The following RAB27B variants were observed in gnomAD, a reference collection of about 807,000 sequenced individuals.
RAB27B encodes ras-related protein Rab-27B.
RAB27B carries 15 observed loss-of-function variants against 24.6 expected under a neutral mutation model. The observed-to-expected ratio is 0.61, with a 90% CI of 0.41 to 0.94. The LOEUF (loss-of-function observed/expected upper bound fraction) is 0.94, where lower values mean the gene tolerates loss of function less well. Among genes scored for constraint, RAB27B ranks in the 40% least tolerant of loss-of-function variants. The pLI, the probability that RAB27B is intolerant of heterozygous loss-of-function variation, is 0.00. For synonymous variants in RAB27B, 105 were observed against 92.5 expected (o/e 1.14, Z -0.78); for missense variants, 261 against 266.8 (o/e 0.98, Z 0.15).
At chr18:54,870,649 C>T (rs1230909141) in intron 1 of RAB27B, among the ~76,000 whole-genome samples, 3 of 152,098 alleles carry the variant, frequency 2.0e-5, no homozygotes, top group Non-Finnish European at 4.4e-5. Flanking sequence ...TGAAAACATA[C>T]TTTGATTTGT....
chr18:54,840,924 G>C (rs917172172), intron 1 of RAB27B, among the ~76,000 whole-genome samples: 3 of 151,996 alleles, frequency 2.0e-5, no homozygotes, highest in Non-Finnish European at 2.9e-5. Context: ...TGAGGCAGGC[G>C]GATCATGAGG....
chr18:54,792,554 ATATT>A (rs1291755381), intron 2 of RAB27B, among the ~76,000 whole-genome samples: 1 of 152,210 alleles, frequency 6.6e-6, no homozygotes, highest in Non-Finnish European at 1.5e-5. Flanking sequence ...AAGAAGAAAT[ATATT>A]TATGCATGCA....
chr18:54,840,316 A>AT (rs1911058976), intron 1 of RAB27B, among the ~76,000 whole-genome samples: 1 of 152,162 alleles, frequency 6.6e-6, no homozygotes. Context: ...GAAATCAATG[A>AT]TTTGTTGGCC....
intron 1 of RAB27B, among the ~76,000 whole-genome samples, chr18:54,867,948 C>A (rs372783340): frequency 6.6e-6 from 1 of 152,156 alleles, no homozygotes; most frequent in African/African-American, 2.4e-5. Flanking sequence ...ACTGCACACA[C>A]ACCTAGTGAT....
chr18:54,893,608 A>G lies in RAB27B; in HGVS notation c.*4195A>G, dbSNP rs150556314. On this transcript the variant is annotated 3_prime_UTR_variant, in exon 6 of 6. Coordinates refer to ENST00000262094, the MANE Select transcript of RAB27B (RefSeq NM_004163.4). ...TGAGCTCTTATACATGAAAATGGAT[A>G]TAGGCTATTCTCTGGGATGAGTGTC... is the stretch of plus-strand genomic sequence containing the variant. 2.9e-4 allele frequency: 44 copies of G among 152,160 alleles called. No homozygotes were observed. Among genetic ancestry groups the G allele is most frequent in the African/African-American group, 1.1e-3 (44 of 41,560 alleles). The allele number at this position is 152,160 out of a possible 1,614,324, so 9.4% of individuals were successfully genotyped here.
intron 1 of RAB27B, among the ~76,000 whole-genome samples, chr18:54,876,105 T>C (rs778922627): frequency 2.6e-5 from 4 of 152,058 alleles, no homozygotes; most frequent in Non-Finnish European, 4.4e-5. Context: ...AAGGGAAAGC[T>C]AGGCACCTTC....
chr18:54,832,221 G>A (rs1910709450), intron 1 of RAB27B, among the ~76,000 whole-genome samples: 2 of 152,142 alleles, frequency 1.3e-5, no homozygotes, highest in African/African-American at 4.8e-5. Flanking sequence ...TGGCCACCAA[G>A]AGAAGTAGAT....
At chr18:54,795,778 T>C (rs1053706934) in intron 2 of RAB27B, among the ~76,000 whole-genome samples, 2 of 152,180 alleles carry the variant, frequency 1.3e-5, no homozygotes, top group Admixed American at 1.3e-4. Flanking sequence ...TTTGCATGTA[T>C]GCATTGTATT....
intron 2 of RAB27B, among the ~76,000 whole-genome samples, chr18:54,803,188 G>A (rs943383490): frequency 6.6e-6 from 1 of 152,194 alleles, no homozygotes; most frequent in African/African-American, 2.4e-5. Flanking sequence ...AATAAAGATA[G>A]CAGATAGAGA....
chr18:54,738,556 T>C (rs1046420245), intron 2 of RAB27B, among the ~76,000 whole-genome samples: 3 of 152,136 alleles, frequency 2.0e-5, no homozygotes, highest in Non-Finnish European at 2.9e-5. Flanking sequence ...TCCCCACCCA[T>C]GCAGAACTGT....
At chr18:54,848,883 C>T (rs1911444287) in intron 1 of RAB27B, among the ~76,000 whole-genome samples, 1 of 152,046 alleles carries the variant, frequency 6.6e-6, no homozygotes, top group East Asian at 1.9e-4. Context: ...GCATGTTATA[C>T]ATATTCTTTC....
At chr18:54,724,343 T>G (rs8096736) in intron 2 of RAB27B, among the ~76,000 whole-genome samples, 27,477 of 151,382 alleles carry the variant, frequency 0.18, 3,889 homozygotes, top group African/African-American at 0.36. Context: ...AAGTTAATGT[T>G]ATGTGGCTAC....
chr18:54,798,806 C>T (rs79941871), intron 2 of RAB27B, among the ~76,000 whole-genome samples: 7,753 of 152,218 alleles, frequency 0.051, 258 homozygotes, highest in Admixed American at 0.092. Context: ...TATTTTCATT[C>T]ATGTTATTAA....
chr18:54,772,901 A>G (rs937265819), intron 2 of RAB27B, among the ~76,000 whole-genome samples: 2 of 152,066 alleles, frequency 1.3e-5, no homozygotes, highest in African/African-American at 2.4e-5. Context: ...TCCCTTTGCC[A>G]TCTGGAAGAA....
chr18:54,792,876 A>G (rs1312416375), intron 2 of RAB27B, among the ~76,000 whole-genome samples: 1 of 152,244 alleles, frequency 6.6e-6, no homozygotes, highest in African/African-American at 2.4e-5. Flanking sequence ...ACCAGTGTCA[A>G]TAGCATAATA....
chr18:54,855,048 C>G (rs896668049), intron 1 of RAB27B, among the ~76,000 whole-genome samples: 3 of 152,154 alleles, frequency 2.0e-5, no homozygotes, highest in Non-Finnish European at 4.4e-5. Flanking sequence ...GAGCCCTGAG[C>G]TTGTTTTCCC....
chr18:54,771,541 A>G (rs1203628407), intron 2 of RAB27B, among the ~76,000 whole-genome samples: 1 of 152,034 alleles, frequency 6.6e-6, no homozygotes, highest in Non-Finnish European at 1.5e-5. Flanking sequence ...GAGGCAAGAA[A>G]TCAAAGTTGG....
chr18:54,786,379 C>T (rs537574770), intron 2 of RAB27B, among the ~76,000 whole-genome samples: 35 of 152,258 alleles, frequency 2.3e-4, no homozygotes, highest in East Asian at 1.4e-3. Context: ...TGGAAGTTCA[C>T]GGAGAACAGC....
rs533693758 is a variant in RAB27B at position 54,744,645 on chromosome 18, T to C, written c.-20+26504T>C. On this transcript the variant is annotated intron_variant, in intron 2 of 4. Coordinates refer to the RAB27B transcript ENST00000586570. The stretch of plus-strand genomic sequence containing the variant: ...ATACCCCATAATTATGTACAATAAT[T>C]ATGTGTCAGTTAAAAATAATAGTAG... 3 of 152,380 alleles carry C rather than the reference T, an allele frequency of 2.0e-5. No homozygotes were observed. In the East Asian group the frequency reaches 5.8e-4, roughly 29 times the overall value. The allele number at this position is 152,380 out of a possible 1,614,324, so 9.4% of individuals were successfully genotyped here. A position where few individuals can be genotyped will look rare whatever the true frequency, so the allele number is the denominator to read the frequency against.
Sources: gnomAD v4.1 joint callset for allele counts (sites outside exome capture counted in the v4.1 genomes callset) on GRCh38, gnomAD v4.1.1 for gene constraint, MANE v1.5 for transcripts, NCBI Gene and HGNC (gene_info 2026-07-23, HGNC 2026-07-21) for gene names.